The following ST3GAL3 variants were observed in gnomAD, a reference collection of about 807,000 sequenced individuals.
ST3GAL3 encodes the protein CMP-N-acetylneuraminate-beta-1,4-galactoside alpha-2,3-sialyltransferase.
ST3GAL3 carries 21 observed loss-of-function variants against 50.1 expected under a neutral mutation model. That is an observed-to-expected ratio of 0.42 (90% CI 0.30 to 0.60). ST3GAL3 has a LOEUF of 0.60. Ranked by LOEUF, ST3GAL3 falls within the 20% of genes least tolerant of loss-of-function variation. The probability of loss-of-function intolerance (pLI) is 0.19; values close to 1 mark genes in which losing one functional copy is unlikely to be tolerated. For synonymous variants in ST3GAL3, 183 were observed against 190.0 expected (o/e 0.96, Z 0.30); for missense variants, 353 against 489.4 (o/e 0.72, Z 2.63).
In ST3GAL3 at chr1:43,838,240, G is replaced by A. The variant is rs748703922; in HGVS notation, c.231G>A (p.Lys77=). The change falls in exon 5 of 12, where the codon AAG becomes AAA. Residue 77 remains lysine, a synonymous_variant. Coordinates refer to ENST00000347631, the MANE Select transcript of ST3GAL3 (RefSeq NM_006279.5). ...ATAGGCCTGCTGAATTAGCCACCAAGTACGCAAACTTTTCAGAGGGAGCTT... is the reference window on the plus strand; with the variant it reads ...ATAGGCCTGCTGAATTAGCCACCAAATACGCAAACTTTTCAGAGGGAGCTT... ...DSKLPAELAT[K]YANFSEGACK... is the part of the protein sequence containing the mutation. 6.2e-7 allele frequency: 1 copy of A among 1,612,574 alleles called. No homozygotes were observed. Among genetic ancestry groups the A allele is most frequent in the Non-Finnish European group, 8.5e-7 (1 of 1,179,138 alleles).
At chr1:43,906,186 T>C (rs1310362906) in intron 9 of ST3GAL3, among the ~76,000 whole-genome samples, 5 of 84,496 alleles carry the variant, frequency 5.9e-5, no homozygotes, top group Admixed American at 2.7e-4. Context: ...CCACTCTTCC[T>C]CCCCCTCCTC....
chr1:43,709,018 A>G (rs1209163960), intron 1 of ST3GAL3, among the ~76,000 whole-genome samples: 2 of 152,222 alleles, frequency 1.3e-5, no homozygotes, highest in Non-Finnish European at 2.9e-5. Context: ...CCAAGATGGT[A>G]GGTACTCTGA....
chr1:43,919,463 G>A (rs2082666613), intron 9 of ST3GAL3: 1 of 152,318 alleles, frequency 6.6e-6, no homozygotes, highest in South Asian at 2.1e-4. Context: ...GTTGGTTTGT[G>A]ACCTCCAGCA....
At chr1:43,898,413 G>A in intron 7 of ST3GAL3, 115 bp downstream of exon 7, 3 of 1,032,662 alleles carry the variant, frequency 2.9e-6, no homozygotes, top group Admixed American at 3.5e-5. Flanking sequence ...ATCCACACAT[G>A]CACATACAGT....
chr1:43,763,069 C>T (rs748516198), intron 2 of ST3GAL3, among the ~76,000 whole-genome samples: 3 of 152,176 alleles, frequency 2.0e-5, no homozygotes, highest in South Asian at 2.1e-4. Context: ...ATGATATATG[C>T]ACAAGGTTAC....
intron 5 of ST3GAL3, among the ~76,000 whole-genome samples, chr1:43,855,211 G>A (rs968979825): frequency 2.6e-5 from 4 of 152,106 alleles, no homozygotes; most frequent in Non-Finnish European, 5.9e-5. Flanking sequence ...AGCACCTACC[G>A]TGTGCCAGAC....
intron 4 of ST3GAL3, among the ~76,000 whole-genome samples, chr1:43,832,549 T>G (rs1470060287): frequency 1.3e-5 from 2 of 151,958 alleles, no homozygotes; most frequent in East Asian, 3.9e-4. Flanking sequence ...AGCCCACATG[T>G]GGGTAGATGA....
At chr1:43,786,245 C>T (rs1361125785) in intron 2 of ST3GAL3, among the ~76,000 whole-genome samples, 1 of 152,168 alleles carries the variant, frequency 6.6e-6, no homozygotes, top group Non-Finnish European at 1.5e-5. Flanking sequence ...CTCTGTTACT[C>T]CCGGGGTTTT....
At chr1:43,850,638 C>G in intron 5 of ST3GAL3, 1 of 753,006 alleles carries the variant, frequency 1.3e-6, no homozygotes, top group South Asian at 1.4e-5. Flanking sequence ...AGCCCTTCTG[C>G]CATCTGTGCC....
intron 5 of ST3GAL3, among the ~76,000 whole-genome samples, chr1:43,889,627 T>C (rs2076433945): frequency 6.6e-6 from 1 of 152,220 alleles, no homozygotes; most frequent in Non-Finnish European, 1.5e-5. Context: ...GTGTTAGTAG[T>C]ATACTGGTAT....
intron 5 of ST3GAL3, among the ~76,000 whole-genome samples, chr1:43,865,110 G>A (rs1025945068): frequency 2.0e-5 from 3 of 150,898 alleles, no homozygotes; most frequent in African/African-American, 4.9e-5. Flanking sequence ...TCCGCCTCCC[G>A]GGTTCACGCC....
intron 4 of ST3GAL3, among the ~76,000 whole-genome samples, chr1:43,830,723 C>CA (rs1312344210): frequency 6.6e-6 from 1 of 152,228 alleles, no homozygotes; most frequent in African/African-American, 2.4e-5. Flanking sequence ...TAGTTTATAA[C>CA]AAGTTCCTGC....
At chr1:43,909,344 T>C (rs2080383175) in intron 9 of ST3GAL3, among the ~76,000 whole-genome samples, 1 of 152,222 alleles carries the variant, frequency 6.6e-6, no homozygotes, top group Admixed American at 6.5e-5. Context: ...AGGGCATCTC[T>C]TTCCTCTTAG....
intron 1 of ST3GAL3, 77 bp from the exon 2 acceptor site, chr1:43,736,156 C>G: frequency 7.3e-7 from 1 of 1,363,474 alleles, no homozygotes; most frequent in Non-Finnish European, 1.0e-6. Context: ...GAAATTCTCT[C>G]TATAGATACT....
At chr1:43,739,840 T>C (rs1338349654) in intron 2 of ST3GAL3, among the ~76,000 whole-genome samples, 1 of 152,134 alleles carries the variant, frequency 6.6e-6, no homozygotes, top group Non-Finnish European at 1.5e-5. Context: ...TTGGTCAGGT[T>C]GCCAAGACTT....
chr1:43,873,022 G>A (rs1366376800), intron 5 of ST3GAL3, among the ~76,000 whole-genome samples: 2 of 152,162 alleles, frequency 1.3e-5, no homozygotes, highest in Non-Finnish European at 2.9e-5. Flanking sequence ...TATGAGAGAT[G>A]AAGTAAGAAA....
At chr1:43,804,964 C>G (rs1239324957) in intron 3 of ST3GAL3, among the ~76,000 whole-genome samples, 1 of 152,224 alleles carries the variant, frequency 6.6e-6, no homozygotes, top group Non-Finnish European at 1.5e-5. Context: ...TCTTTCCACT[C>G]TTCCATCCAT....
intron 2 of ST3GAL3, among the ~76,000 whole-genome samples, chr1:43,781,797 C>T (rs1292097682): frequency 6.6e-6 from 1 of 152,106 alleles, no homozygotes; most frequent in African/African-American, 2.4e-5. Context: ...TCCTTCCCTC[C>T]CAATTTCCAC....
At chr1:43,735,494 C>A (rs182583394) in intron 1 of ST3GAL3, among the ~76,000 whole-genome samples, 1 of 152,294 alleles carries the variant, frequency 6.6e-6, no homozygotes, top group East Asian at 1.9e-4. Context: ...TGAAGGCTGG[C>A]CCCTGGCAGA....
Sources: allele counts gnomAD v4.1 joint callset (sites outside exome capture counted in the v4.1 genomes callset), GRCh38; gene constraint gnomAD v4.1.1; transcripts MANE v1.5; gene names NCBI Gene and HGNC (gene_info 2026-07-23, HGNC 2026-07-21).